Variants in CAMKMT observed in about 807,000 individuals in gnomAD.
The protein encoded by CAMKMT is calmodulin-lysine N-methyltransferase.
A neutral mutation model predicts 48.0 loss-of-function variants in CAMKMT; 53 were observed. That is an observed-to-expected ratio of 1.10 (90% CI 0.89 to 1.39). The LOEUF is 1.39. Ranked by LOEUF, CAMKMT falls within the 40% of genes most tolerant of loss-of-function variation. The pLI is 0.00. For missense variants in CAMKMT, 428 were observed against 402.7 expected, an observed-to-expected ratio of 1.06 and a Z score of -0.54; for synonymous variants, 165 against 152.3, an observed-to-expected ratio of 1.08 and a Z score of -0.61.
At position 44,589,119 on chromosome 2, in the gene CAMKMT, G is replaced by A. The variant is rs1255274118; in HGVS notation, c.377-115164G>A. Reference sequence around the variant, plus strand: ...GCCCCTCTGCCTGGCGAGCCGCCCCGTCTGGGAGGGTGGTGGGGGGGTCAG... The same window carrying A: ...GCCCCTCTGCCTGGCGAGCCGCCCCATCTGGGAGGGTGGTGGGGGGGTCAG... On this transcript the variant is annotated intron_variant, in intron 3 of 10. Coordinates refer to ENST00000378494, the MANE Select transcript of CAMKMT (RefSeq NM_024766.5). Among the ~76,000 whole-genome samples the A allele has an allele frequency of 3.8e-4, 18 of 47,980 alleles. 5 individuals carry two copies. Among genetic ancestry groups the A allele is most frequent in the Middle Eastern group, 0.036 (2 of 56 alleles). The allele number at this position is 47,980 out of a possible 152,430, so 31.5% of individuals were successfully genotyped here.
At chr2:44,660,059 A>G (rs2104078402) in intron 3 of CAMKMT, among the ~76,000 whole-genome samples, 1 of 152,376 alleles carries the variant, frequency 6.6e-6, no homozygotes, top group East Asian at 1.9e-4. Context: ...CTCATTCAAA[A>G]TAACATTAAA....
chr2:44,610,341 A>T (rs1671530198), intron 3 of CAMKMT, among the ~76,000 whole-genome samples: 1 of 152,196 alleles, frequency 6.6e-6, no homozygotes, highest in Non-Finnish European at 1.5e-5. Context: ...ATTTGGGATG[A>T]TAAAGTCTTA....
rs1022719412 is a variant in CAMKMT, at chr2:44,639,307, T to A, written c.377-64976T>A. 9.9e-5 allele frequency among the ~76,000 whole-genome samples: 15 copies of A among 152,240 alleles called. 1 individual carries two copies. The highest frequency in any genetic ancestry group is 7.2e-4 in the Admixed American group (11 of 15,282). On this transcript the variant is annotated intron_variant, in intron 3 of 10. Coordinates refer to ENST00000378494, the MANE Select transcript of CAMKMT (RefSeq NM_024766.5). ...GAATATGACCAGATTATGGTTTGCCTGTTGCACAAACAGCAAATGCCATCT... is the reference window on the plus strand; with the variant it reads ...GAATATGACCAGATTATGGTTTGCCAGTTGCACAAACAGCAAATGCCATCT...
chr2:44,372,466 CA>C (rs35734499), intron 1 of CAMKMT, among the ~76,000 whole-genome samples: 67,476 of 136,282 alleles, frequency 0.5, 16,737 homozygotes, highest in South Asian at 0.65. Context: ...GATCCTGTCT[CA>C]AAAAAAAAAA....
chr2:44,433,343 C>T (rs1684760660), intron 3 of CAMKMT, among the ~76,000 whole-genome samples: 1 of 152,052 alleles, frequency 6.6e-6, no homozygotes, highest in South Asian at 2.1e-4. Flanking sequence ...GATGAATTAA[C>T]ATAGTAAGTA....
At chr2:44,645,762 A>C (rs758563798) in intron 3 of CAMKMT, among the ~76,000 whole-genome samples, 9 of 152,186 alleles carry the variant, frequency 5.9e-5, no homozygotes, top group Non-Finnish European at 8.8e-5. Context: ...CGGAGGCTGC[A>C]GTGAGCTGAG....
chr2:44,643,332 A>C (rs748939119), intron 3 of CAMKMT, among the ~76,000 whole-genome samples: 1 of 152,234 alleles, frequency 6.6e-6, no homozygotes, highest in Admixed American at 6.5e-5. Context: ...AAGAAACTGT[A>C]TGGAACTACT....
Position 44,718,933 on chromosome 2 carries a change from A to G in CAMKMT, c.623+3580A>G, listed in dbSNP as rs544652156. Among the ~76,000 whole-genome samples the G allele has an allele frequency of 2.0e-4, 31 of 152,250 alleles. No individual in the cohort carries two copies. In the South Asian group the frequency reaches 6.2e-3, roughly 31 times the overall value. ...GCCCCCAAGATTGGTTATTGGTCCCATTGCCCTATTGCTTTTTAAAGATTT... is the reference window on the plus strand; with the variant it reads ...GCCCCCAAGATTGGTTATTGGTCCCGTTGCCCTATTGCTTTTTAAAGATTT... On this transcript the variant is annotated intron_variant, in intron 7 of 10. Coordinates refer to ENST00000378494, the MANE Select transcript of CAMKMT (RefSeq NM_024766.5).
chr2:44,446,630 C>A (rs1268205113), intron 3 of CAMKMT, among the ~76,000 whole-genome samples: 5 of 152,206 alleles, frequency 3.3e-5, no homozygotes, highest in Non-Finnish European at 5.9e-5. Flanking sequence ...ACAGGCCGCG[C>A]CACTATGCCC....
chr2:44,769,201 C>G (rs1430234266), intron 10 of CAMKMT, among the ~76,000 whole-genome samples: 1 of 151,778 alleles, frequency 6.6e-6, no homozygotes, highest in Non-Finnish European at 1.5e-5. Flanking sequence ...TCAGGAGGAA[C>G]AGCTTTGCCT....
intron 3 of CAMKMT, chr2:44,456,822 C>A: frequency 2.1e-6 from 1 of 476,222 alleles, no homozygotes; most frequent in Non-Finnish European, 3.6e-6. Context: ...ATTTCTCCTT[C>A]TCCAGCCCAA....
intron 3 of CAMKMT, among the ~76,000 whole-genome samples, chr2:44,638,730 G>A (rs1335680946): frequency 6.6e-6 from 1 of 151,818 alleles, no homozygotes; most frequent in Admixed American, 6.6e-5. Context: ...ATATTGTTGG[G>A]TCCAGAAGAA....
rs1666750668 is a variant in CAMKMT at position 44,535,970 on chromosome 2, A to G, written c.376+145665A>G. ...AATAATTTTATATTTAGAAAAACCA[A>G]AAGACTCCACCAAAAAACTCATTAA... is the stretch of plus-strand genomic sequence containing the variant. On this transcript the variant is annotated intron_variant, in intron 3 of 10. Coordinates refer to ENST00000378494, the MANE Select transcript of CAMKMT (RefSeq NM_024766.5). 5.9e-5 allele frequency among the ~76,000 whole-genome samples: 9 copies of G among 152,194 alleles called. No individual in the cohort carries two copies. The South Asian group carries it at 1.9e-3, about 32-fold the overall frequency.
intron 3 of CAMKMT, among the ~76,000 whole-genome samples, chr2:44,496,604 T>G (rs1158726007): frequency 6.6e-6 from 1 of 152,210 alleles, no homozygotes; most frequent in East Asian, 1.9e-4. Flanking sequence ...GCTTTTCACT[T>G]CTGAACATGA....
At chr2:44,412,448 G>T (rs1683273992) in intron 3 of CAMKMT, among the ~76,000 whole-genome samples, 1 of 152,094 alleles carries the variant, frequency 6.6e-6, no homozygotes, top group Non-Finnish European at 1.5e-5. Context: ...CAATTCTCCT[G>T]CCTCGGCTTC....
chr2:44,399,075 T>C (rs186173921), intron 3 of CAMKMT, among the ~76,000 whole-genome samples: 116 of 152,308 alleles, frequency 7.6e-4, no homozygotes, highest in African/African-American at 2.7e-3. Context: ...TGTGTAATTA[T>C]AGATACGTCA....
At chr2:44,530,526 T>C (rs1666426867) in intron 3 of CAMKMT, among the ~76,000 whole-genome samples, 1 of 152,216 alleles carries the variant, frequency 6.6e-6, no homozygotes, top group African/African-American at 2.4e-5. Context: ...ACTGATGTGT[T>C]TGCTGTGAAT....
intron 3 of CAMKMT, among the ~76,000 whole-genome samples, chr2:44,478,236 T>C (rs1668787944): frequency 6.6e-6 from 1 of 152,236 alleles, no homozygotes; most frequent in East Asian, 1.9e-4. Flanking sequence ...AATAATTTTA[T>C]TTGCTTTTTC....
chr2:44,438,319 C>A (rs1189909685), intron 3 of CAMKMT, among the ~76,000 whole-genome samples: 1 of 152,132 alleles, frequency 6.6e-6, no homozygotes, highest in Non-Finnish European at 1.5e-5. Context: ...TTATTCATTA[C>A]ATTAAATTGA....
Sources: allele counts gnomAD v4.1 joint callset (sites outside exome capture counted in the v4.1 genomes callset), GRCh38; gene constraint gnomAD v4.1.1; transcripts MANE v1.5; gene names NCBI Gene and HGNC (gene_info 2026-07-23, HGNC 2026-07-21).